The following CKMT2 variants were observed in gnomAD, a reference collection of about 807,000 sequenced individuals.
The protein encoded by CKMT2 is creatine kinase, mitochondrial 2, also known as creatine kinase S-type, mitochondrial.
CKMT2 carries 43 observed loss-of-function variants against 48.9 expected under a neutral mutation model. The ratio of observed to expected loss-of-function variants is 0.88; its 90% CI spans 0.69 to 1.13. The LOEUF is 1.13. CKMT2 is among the 50% of genes most tolerant of loss of function. The pLI is 0.00. For synonymous variants in CKMT2, 206 were observed against 213.0 expected, an observed-to-expected ratio of 0.97 and a Z score of 0.29; for missense variants, 472 against 555.4, an observed-to-expected ratio of 0.85 and a Z score of 1.51.
intron 6 of CKMT2, among the ~76,000 whole-genome samples, chr5:81,257,370 A>T (rs13170098): frequency 2.0e-5 from 3 of 151,904 alleles, no homozygotes; most frequent in Non-Finnish European, 4.4e-5. Context: ...GGTAACCCCC[A>T]CCCGCTTTTT....
At chr5:81,254,292 G>A (rs1342690254) in intron 3 of CKMT2, 104 bp from the exon 4 acceptor site, 2 of 846,410 alleles carry the variant, frequency 2.4e-6, no homozygotes, top group Admixed American at 2.0e-5. Flanking sequence ...AGAGAAGGAG[G>A]GCATCAACTT....
chr5:81,243,541 A>G (rs1427069054), intron 1 of CKMT2, among the ~76,000 whole-genome samples: 1 of 152,212 alleles, frequency 6.6e-6, no homozygotes, highest in African/African-American at 2.4e-5. Flanking sequence ...TGTAGGATAT[A>G]CATGTGTGTT....
At chr5:81,258,482 G>A (rs1182153002) in intron 7 of CKMT2, among the ~76,000 whole-genome samples, 2 of 152,044 alleles carry the variant, frequency 1.3e-5, no homozygotes, top group African/African-American at 4.8e-5. Context: ...CTACTCTCTT[G>A]GCATGAAAAA....
At chr5:81,234,020 TTAA>T (rs1756180998) in intron 1 of CKMT2, among the ~76,000 whole-genome samples, 2 of 71,580 alleles carry the variant, frequency 2.8e-5, no homozygotes, top group Non-Finnish European at 5.1e-5. Context: ...CGGAGGTTAA[TTAA>T]AAAAAAAAAA....
chr5:81,238,350 AAAAC>A (rs1413844550), intron 1 of CKMT2: 2 of 152,238 alleles, frequency 1.3e-5, no homozygotes, highest in African/African-American at 4.8e-5. Flanking sequence ...TAAAAAAACA[AAAAC>A]AAAAAAAAAC....
At chr5:81,258,297 T>C (rs976493864) in intron 7 of CKMT2, among the ~76,000 whole-genome samples, 1 of 152,238 alleles carries the variant, frequency 6.6e-6, no homozygotes, top group Non-Finnish European at 1.5e-5. Context: ...TGACTTTCTC[T>C]TGTTATTAGA....
chr5:81,250,939 A>AG (rs1486069965), intron 1 of CKMT2, 174 bp from the exon 2 acceptor site: 5 of 424,092 alleles, frequency 1.2e-5, no homozygotes, highest in Non-Finnish European at 2.0e-5. Context: ...AAGAAATAGA[A>AG]AACACACACA....
At chr5:81,260,921 A>T (rs185588247) in intron 8 of CKMT2, among the ~76,000 whole-genome samples, 1 of 152,308 alleles carries the variant, frequency 6.6e-6, no homozygotes, top group African/African-American at 2.4e-5. Flanking sequence ...AAAAAAGAAA[A>T]ATTTCACGGC....
intron 1 of CKMT2, among the ~76,000 whole-genome samples, chr5:81,245,709 G>A (rs549148167): frequency 4.6e-5 from 7 of 152,282 alleles, no homozygotes; most frequent in South Asian, 2.1e-4. Context: ...AGGAGCCAGC[G>A]GGATGGGAAA....
At chr5:81,260,244 G>GTGTTTAGAGGGAAATTTATAGCAC (rs1757166997) in intron 8 of CKMT2, among the ~76,000 whole-genome samples, 1 of 151,928 alleles carries the variant, frequency 6.6e-6, no homozygotes, top group Non-Finnish European at 1.5e-5. Flanking sequence ...ATTTATAGCA[G>GTGTTTAGAGGGAAATTTATAGCAC]CAAATGCCCA....
intron 1 of CKMT2, 26 bp from the exon 2 acceptor site, chr5:81,251,087 T>C: frequency 6.3e-7 from 1 of 1,599,642 alleles, no homozygotes; most frequent in South Asian, 1.1e-5. Context: ...TATGAAGCTA[T>C]CTAATCCAGC....
chr5:81,259,338 C>G, intron 8 of CKMT2, 84 bp downstream of exon 8: 1 of 1,240,258 alleles, frequency 8.1e-7, no homozygotes, highest in Non-Finnish European at 1.1e-6. Flanking sequence ...CATCACTGCC[C>G]ATTCCTTAAC....
rs187331232 is a variant in CKMT2, at chr5:81,247,878, G to A, written c.-20-3235G>A. Reference sequence around the variant, plus strand: ...GGAATTTCAGTTCCAAGATTGCTTTGCTAGCCACAATCAAAGCTTCCCCAG... The same window carrying A: ...GGAATTTCAGTTCCAAGATTGCTTTACTAGCCACAATCAAAGCTTCCCCAG... On this transcript the variant is annotated intron_variant, in intron 1 of 9. Coordinates refer to ENST00000254035, the MANE Select transcript of CKMT2 (RefSeq NM_001099735.2). Among the ~76,000 whole-genome samples, 16 of 152,238 alleles carry A rather than the reference G, an allele frequency of 1.1e-4. No homozygotes were observed. The East Asian group carries it at 2.9e-3, about 28-fold the overall frequency.
intron 1 of CKMT2, chr5:81,244,282 C>A: frequency 1.5e-6 from 1 of 661,206 alleles, no homozygotes. Context: ...ATTAACATCA[C>A]CTGCCCCTTC....
Position 81,258,188 on chromosome 5 carries a change from C to T in CKMT2, c.879+332C>T, listed in dbSNP as rs140199146. On this transcript the variant is annotated intron_variant, in intron 7 of 9. Transcript: ENST00000254035. ...GTGCTGGGATTACAGGCATGAGCCA[C>T]CACGCCCAGCCTCAAGGCATTTTTT... is the stretch of plus-strand genomic sequence containing the variant. Among the ~76,000 whole-genome samples the T allele has an allele frequency of 3.7e-3, 560 of 150,286 alleles. 1 individual carries two copies. Among genetic ancestry groups the T allele is most frequent in the Non-Finnish European group, 5.8e-3 (395 of 67,836 alleles).
intron 4 of CKMT2, 100 bp from the exon 5 acceptor site, chr5:81,254,893 G>A: frequency 2.1e-6 from 2 of 973,896 alleles, no homozygotes; most frequent in Non-Finnish European, 3.3e-6. Flanking sequence ...GTGCCTGAGG[G>A]TCCCCAGGGA....
chr5:81,234,065 C>G (rs1484844342), intron 1 of CKMT2, among the ~76,000 whole-genome samples: 4 of 147,000 alleles, frequency 2.7e-5, no homozygotes, highest in Non-Finnish European at 4.5e-5. Flanking sequence ...ATTGGCCCCA[C>G]GTGTTTCACC....
intron 1 of CKMT2, among the ~76,000 whole-genome samples, chr5:81,246,226 G>A (rs1198209368): frequency 6.6e-6 from 1 of 150,958 alleles, no homozygotes; most frequent in Non-Finnish European, 1.5e-5. Flanking sequence ...TCTGCACTAG[G>A]ATAAAATCCA....
chr5:81,263,627 T>G lies in CKMT2; in HGVS notation c.1140+11T>G. ...ATTGGTCGATCAGAGGTAACGTCTCTCTCACTTTCCTAACATGAACTAACA... is the reference window on the plus strand; with the variant it reads ...ATTGGTCGATCAGAGGTAACGTCTCGCTCACTTTCCTAACATGAACTAACA... On this transcript the variant is annotated intron_variant, in intron 9 of 9. Transcript: ENST00000254035. 6.3e-7 allele frequency: 1 copy of G among 1,598,376 alleles called. No individual in the cohort carries two copies. The highest frequency in any genetic ancestry group is 1.3e-5 in the African/African-American group (1 of 74,514).
Sources: allele counts gnomAD v4.1 joint callset (sites outside exome capture counted in the v4.1 genomes callset), GRCh38; gene constraint gnomAD v4.1.1; transcripts MANE v1.5; gene names NCBI Gene and HGNC (gene_info 2026-07-23, HGNC 2026-07-21).